FGD1: variants seen among roughly 807,000 people sequenced by gnomAD.
FGD1 encodes the protein FYVE, RhoGEF and PH domain-containing protein 1.
In FGD1, 12 loss-of-function variants were observed where a neutral mutation model predicts 65.0. The ratio of observed to expected loss-of-function variants is 0.18; its 90% CI spans 0.12 to 0.30. The LOEUF (loss-of-function observed/expected upper bound fraction) is 0.30, where lower values mean the gene tolerates loss of function less well. Among genes scored for constraint, FGD1 ranks in the 10% least tolerant of loss-of-function variants. The pLI, the probability that FGD1 is intolerant of heterozygous loss-of-function variation, is 1.00. For missense variants in FGD1, 542 were observed against 837.6 expected (o/e 0.65, Z 4.36); for synonymous variants, 333 against 343.9 (o/e 0.97, Z 0.35).
chrX:54,470,493 A>G (rs1405206518), intron 3 of FGD1, 36 bp from the exon 4 acceptor site: 1 of 1,182,896 alleles, frequency 8.5e-7, no homozygotes, highest in Admixed American at 2.2e-5. Context: ...GAAGCAGGGT[A>G]TGAGCTTGAC....
In FGD1 at chrX:54,447,466, G is replaced by A. The variant is rs1252972952; in HGVS notation, c.2437-12C>T. ...ACTGAGGCCTGTTTCTGTGGCCAGA[G>A]ACACCGGGCATCAATGTTGACAGAA... On this transcript the variant is annotated splice_polypyrimidine_tract_variant and intron_variant, in intron 16 of 17. Transcript: ENST00000375135. 8.3e-7 allele frequency: 1 copy of A among 1,207,282 alleles called. No individual in the cohort carries two copies. Among genetic ancestry groups the A allele is most frequent in the Non-Finnish European group, 1.1e-6 (1 of 892,962 alleles).
intron 1 of FGD1, among the ~76,000 whole-genome samples, chrX:54,487,716 G>A (rs1330940159): frequency 8.9e-6 from 1 of 111,957 alleles, no homozygotes; most frequent in African/African-American, 3.2e-5. Flanking sequence ...TTGGGAGGCC[G>A]AGGCAGGCGG....
At chrX:54,475,480 C>T (rs1314903761) in intron 1 of FGD1, among the ~76,000 whole-genome samples, 5 of 108,508 alleles carry the variant, frequency 4.6e-5, no homozygotes, top group African/African-American at 1.8e-4. Flanking sequence ...TCAACCCTGT[C>T]CACAGGGAGT....
chrX:54,488,453 C>T (rs917373936), intron 1 of FGD1, among the ~76,000 whole-genome samples: 2 of 108,230 alleles, frequency 1.8e-5, no homozygotes, highest in African/African-American at 3.4e-5. Flanking sequence ...GGCGTGATGG[C>T]GGGTGCCTGT....
At position 54,487,935 on chromosome X, in the gene FGD1, G is replaced by C. The variant is rs145795132; in HGVS notation, c.307+7191C>G. 6.3e-3 allele frequency among the ~76,000 whole-genome samples: 678 copies of C among 108,334 alleles called. 9 individuals are homozygous for C. Among genetic ancestry groups the C allele is most frequent in the African/African-American group, 0.022 (657 of 29,651 alleles). 94.1% of individuals were successfully genotyped at this position (108,334 alleles called of 115,157 possible). A position where few individuals can be genotyped will look rare whatever the true frequency, so the allele number is the denominator to read the frequency against. On this transcript the variant is annotated intron_variant, in intron 1 of 17. Transcript: ENST00000375135. ...ACTGCACTCCAGCCTGGGCGACAGA[G>C]TGACACGCCGTCTGAAAAAACCAAC...
chrX:54,451,144 T>G (rs767894145), intron 12 of FGD1, among the ~76,000 whole-genome samples: 1 of 111,049 alleles, frequency 9.0e-6, no homozygotes, highest in Admixed American at 9.6e-5. Flanking sequence ...ATTATCACTC[T>G]CTGGGTTCTC....
At chrX:54,461,322 G>A (rs1922623702) in intron 8 of FGD1, among the ~76,000 whole-genome samples, 1 of 110,085 alleles carries the variant, frequency 9.1e-6, no homozygotes, top group Non-Finnish European at 1.9e-5. Context: ...GGGGTCGTTG[G>A]CCGGGCACGG....
rs776660660 is a variant in FGD1, at chrX:54,495,299, C to T, written c.134G>A (p.Arg45His). Residue 45 changes from arginine to histidine, a missense_variant, in exon 1 of 18, where the codon CGC becomes CAC. Arg to His is a conservative substitution (Grantham distance 29, BLOSUM62 0). Around this residue, in one of 6 missense-constraint regions of FGD1, gnomAD observed 297 missense variants for 326.8 expected, o/e 0.91. Transcript: ENST00000375135. ...GCCAAGAGCCGAACCTGAGCCCCTG[C>T]GCGCCAGCAGTCCGGGTTCCGAGGC... is the stretch of plus-strand genomic sequence containing the variant. ...PGASEPGLLA[R>H]RGSGSALGGP... 16 of 1,180,169 alleles carry T rather than the reference C, an allele frequency of 1.4e-5. No individual in the cohort carries two copies. In the South Asian group the frequency reaches 2.4e-4, roughly 18 times the overall value.
intron 10 of FGD1, 86 bp downstream of exon 10, chrX:54,456,134 A>G (rs977828992): frequency 2.9e-6 from 3 of 1,028,009 alleles, no homozygotes; most frequent in African/African-American, 1.9e-5. Context: ...GAAAGGAGGT[A>G]TAGTCTTTGA....
intron 17 of FGD1, 151 bp from the exon 18 acceptor site, chrX:54,446,565 C>A: frequency 1.9e-6 from 1 of 514,826 alleles, no homozygotes; most frequent in Non-Finnish European, 3.2e-6. Context: ...GTGTTATCAA[C>A]AGGAACATGT....
intron 1 of FGD1, among the ~76,000 whole-genome samples, chrX:54,474,393 C>T (rs1019778156): frequency 6.2e-5 from 7 of 112,928 alleles, no homozygotes; most frequent in African/African-American, 2.2e-4. Flanking sequence ...AGCAGCTTCC[C>T]TAGGCCCCTG....
chrX:54,469,924 C>T (rs1277664198), intron 4 of FGD1, 92 bp downstream of exon 4: 15 of 834,018 alleles, frequency 1.8e-5, no homozygotes, highest in Non-Finnish European at 2.7e-5. Flanking sequence ...GGTCCTATTT[C>T]GAGAAATACT....
At chrX:54,483,949 C>T (rs1401765904) in intron 1 of FGD1, among the ~76,000 whole-genome samples, 1 of 111,551 alleles carries the variant, frequency 9.0e-6, no homozygotes, top group Admixed American at 9.5e-5. Context: ...CGGGCCTCTA[C>T]GAGGCATTCT....
intron 1 of FGD1, among the ~76,000 whole-genome samples, chrX:54,474,532 C>T (rs1211625119): frequency 8.9e-6 from 1 of 112,767 alleles, no homozygotes; most frequent in Non-Finnish European, 1.9e-5. Flanking sequence ...CTGTACCTTG[C>T]TTTGGGTGTC....
At chrX:54,468,647 C>T (rs937298260) in intron 5 of FGD1, 140 bp downstream of exon 5, 5 of 490,395 alleles carry the variant, frequency 1.0e-5, no homozygotes, top group African/African-American at 9.5e-5. Flanking sequence ...CAGGGACAAG[C>T]TGACTTCAAG....
At chrX:54,494,887 G>T (rs1427016258) in intron 1 of FGD1, among the ~76,000 whole-genome samples, 1 of 111,316 alleles carries the variant, frequency 9.0e-6, no homozygotes, top group Non-Finnish European at 1.9e-5. Context: ...AGACAGAGGA[G>T]AAGGGGGTTG....
At chrX:54,474,034 A>G (rs1922961468) in intron 1 of FGD1, among the ~76,000 whole-genome samples, 1 of 111,055 alleles carries the variant, frequency 9.0e-6, no homozygotes, top group Non-Finnish European at 1.9e-5. Context: ...ATATGCAAAC[A>G]ACATGCCATT....
Position 54,456,380 on chromosome X carries a change from G to C in FGD1, c.1696-14C>G, listed in dbSNP as rs1350434808. ...ATGCATTCGCTCCTGGCAAAAGACA[G>C]GGAACAAAAGGCACGGTTGGGGTGC... On this transcript the variant is annotated splice_polypyrimidine_tract_variant and intron_variant, in intron 9 of 17. Coordinates refer to ENST00000375135, the MANE Select transcript of FGD1 (RefSeq NM_004463.3). 7 of 1,211,750 alleles carry C rather than the reference G, an allele frequency of 5.8e-6. No individual in the cohort carries two copies. The highest frequency in any genetic ancestry group is 6.7e-6 in the Non-Finnish European group (6 of 895,487).
intron 4 of FGD1, among the ~76,000 whole-genome samples, 200 bp downstream of exon 4, chrX:54,469,816 G>A (rs1237979878): frequency 8.9e-6 from 1 of 112,269 alleles, no homozygotes; most frequent in Non-Finnish European, 1.9e-5. Context: ...ATGGATGTAA[G>A]TAAGAGACTT....
Sources: allele counts gnomAD v4.1 joint callset (sites outside exome capture counted in the v4.1 genomes callset), GRCh38; gene constraint gnomAD v4.1.1; regional missense constraint gnomAD v4.1.1; transcripts MANE v1.5; gene names NCBI Gene and HGNC (gene_info 2026-07-23, HGNC 2026-07-21).